The following TENM4 variants were observed in gnomAD, a reference collection of about 807,000 sequenced individuals.
TENM4 encodes teneurin transmembrane protein 4.
In TENM4, 82 loss-of-function variants were observed where a neutral mutation model predicts 243.3. The observed-to-expected ratio is 0.34, with a 90% CI of 0.28 to 0.40. The LOEUF (loss-of-function observed/expected upper bound fraction) is 0.40. TENM4 is among the 10% of genes least tolerant of loss of function. TENM4 has a pLI of 1.00. For missense variants in TENM4, 3,138 were observed against 3,673.3 expected (o/e 0.85, Z 3.77); for synonymous variants, 1,412 against 1,456.3 (o/e 0.97, Z 0.69).
At chr11:78,686,554 G>A (rs1385510310) in intron 29 of TENM4, among the ~76,000 whole-genome samples, 3 of 149,712 alleles carry the variant, frequency 2.0e-5, no homozygotes, top group Non-Finnish European at 4.5e-5. Flanking sequence ...GGGTGGGGTT[G>A]GGGGGGCAGT....
chr11:79,192,868 T>C (rs770054661), intron 3 of TENM4, among the ~76,000 whole-genome samples: 1 of 152,216 alleles, frequency 6.6e-6, no homozygotes, highest in African/African-American at 2.4e-5. Flanking sequence ...CCTACAGGGA[T>C]TGTGTGGTGA....
intron 1 of TENM4, among the ~76,000 whole-genome samples, chr11:79,350,659 C>T (rs1483936127): frequency 6.7e-6 from 1 of 150,332 alleles, no homozygotes; most frequent in African/African-American, 2.5e-5. Flanking sequence ...AGGCTGGTCT[C>T]GAACTCCTGG....
intron 6 of TENM4, among the ~76,000 whole-genome samples, chr11:78,920,464 G>A (rs1294100383): frequency 1.3e-5 from 2 of 152,144 alleles, no homozygotes; most frequent in South Asian, 2.1e-4. Flanking sequence ...CAGCTGCACC[G>A]CTGAGCCCGG....
At chr11:79,194,499 G>A (rs1013743783) in intron 3 of TENM4, among the ~76,000 whole-genome samples, 2 of 152,136 alleles carry the variant, frequency 1.3e-5, no homozygotes, top group African/African-American at 4.8e-5. Flanking sequence ...GGTCCAGGCT[G>A]AGGTGGTCTC....
intron 14 of TENM4, among the ~76,000 whole-genome samples, chr11:78,807,334 A>G (rs1176996598): frequency 6.6e-6 from 1 of 152,154 alleles, no homozygotes; most frequent in East Asian, 1.9e-4. Context: ...AAGGGTTCCA[A>G]TTACTCCACA....
chr11:79,214,167 T>C (rs1233860420), intron 3 of TENM4, among the ~76,000 whole-genome samples: 2 of 152,042 alleles, frequency 1.3e-5, no homozygotes, highest in Non-Finnish European at 2.9e-5. Context: ...AATATTTTTT[T>C]TACTTTTAGT....
intron 1 of TENM4, among the ~76,000 whole-genome samples, chr11:79,418,745 A>G (rs1858871391): frequency 6.6e-6 from 1 of 152,138 alleles, no homozygotes; most frequent in African/African-American, 2.4e-5. Context: ...TGGCTCTTGT[A>G]TGTCCCCTGT....
intron 1 of TENM4, among the ~76,000 whole-genome samples, chr11:79,403,243 A>G (rs1858498972): frequency 6.6e-6 from 1 of 152,246 alleles, no homozygotes; most frequent in South Asian, 2.1e-4. Context: ...TTTATGACAA[A>G]AAGGTTGTCG....
intron 2 of TENM4, among the ~76,000 whole-genome samples, chr11:79,279,842 C>T (rs1487111937): frequency 2.0e-5 from 3 of 152,220 alleles, no homozygotes; most frequent in Non-Finnish European, 4.4e-5. Flanking sequence ...CACTTTGAAA[C>T]TTGATCCCCA....
chr11:78,805,605 G>T, intron 14 of TENM4, 113 bp from the exon 15 acceptor site: 1 of 1,257,304 alleles, frequency 8.0e-7, no homozygotes, highest in Non-Finnish European at 1.1e-6. Flanking sequence ...TCTGGCAGAA[G>T]GATGCATAGG....
chr11:79,299,080 A>ACACC (rs1464687002), intron 1 of TENM4, among the ~76,000 whole-genome samples: 31 of 152,052 alleles, frequency 2.0e-4, no homozygotes, highest in African/African-American at 7.2e-4. Context: ...ACACACACAC[A>ACACC]CACACATACA....
intron 6 of TENM4, among the ~76,000 whole-genome samples, chr11:78,968,307 T>G (rs191600662): frequency 6.6e-6 from 1 of 152,294 alleles, no homozygotes; most frequent in Admixed American, 6.5e-5. Flanking sequence ...TTGTTTGAGA[T>G]GGGGTCTTAC....
At chr11:78,854,014 C>T in intron 12 of TENM4, 90 bp downstream of exon 12, 1 of 1,292,434 alleles carries the variant, frequency 7.7e-7, no homozygotes, top group Non-Finnish European at 1.1e-6. Flanking sequence ...CTCTGACATC[C>T]CCTTGTCAGT....
chr11:79,217,227 T>C (rs7946688), intron 2 of TENM4, among the ~76,000 whole-genome samples: 6,309 of 152,184 alleles, frequency 0.041, 447 homozygotes, highest in African/African-American at 0.14. Flanking sequence ...GTCATTTGCC[T>C]CAGGTCATTC....
intron 14 of TENM4, 112 bp from the exon 15 acceptor site, chr11:78,805,604 A>C: frequency 8.0e-7 from 1 of 1,257,236 alleles, no homozygotes; most frequent in Non-Finnish European, 1.1e-6. Flanking sequence ...TTCTGGCAGA[A>C]GGATGCATAG....
chr11:78,663,121 C>T (rs1858072846), intron 32 of TENM4, among the ~76,000 whole-genome samples: 1 of 152,044 alleles, frequency 6.6e-6, no homozygotes, highest in South Asian at 2.1e-4. Flanking sequence ...CAGAGGGAGA[C>T]AGACAGACAG....
chr11:79,398,332 C>T (rs1008155068), intron 1 of TENM4, among the ~76,000 whole-genome samples: 9 of 152,128 alleles, frequency 5.9e-5, no homozygotes, highest in Admixed American at 5.9e-4. Context: ...TCTCACCTGG[C>T]TCAGTGGTCA....
At chr11:79,079,258 A>G (rs1326954455) in intron 4 of TENM4, among the ~76,000 whole-genome samples, 1 of 152,170 alleles carries the variant, frequency 6.6e-6, no homozygotes, top group African/African-American at 2.4e-5. Flanking sequence ...CTTCTGTTAG[A>G]GAGCTTGTCA....
intron 2 of TENM4, among the ~76,000 whole-genome samples, chr11:79,276,576 G>A (rs1460230399): frequency 2.6e-5 from 4 of 152,180 alleles, no homozygotes; most frequent in Admixed American, 6.5e-5. Context: ...CCTGATGCCT[G>A]GGCCTTTATC....
Sources: allele counts gnomAD v4.1 joint callset (sites outside exome capture counted in the v4.1 genomes callset), GRCh38; gene constraint gnomAD v4.1.1; transcripts MANE v1.5; gene names NCBI Gene and HGNC (gene_info 2026-07-23, HGNC 2026-07-21).